Variants in KCNAB1 observed in about 807,000 individuals in gnomAD.
KCNAB1 encodes voltage-gated potassium channel subunit beta-1.
Under a neutral mutation model 64.6 loss-of-function variants are expected in KCNAB1, and 35 were observed. The ratio of observed to expected loss-of-function variants is 0.54; its 90% CI spans 0.41 to 0.72. KCNAB1 has a LOEUF of 0.72. Ranked by LOEUF, KCNAB1 falls within the 30% of genes least tolerant of loss-of-function variation. The pLI is 0.00. For missense variants in KCNAB1, 401 were observed against 512.9 expected (o/e 0.78, Z 2.11); for synonymous variants, 177 against 183.8 (o/e 0.96, Z 0.30).
Position 156,350,697 on chromosome 3 carries a change from A to G in KCNAB1, c.276-70919A>G, listed in dbSNP as rs186504507. Among the ~76,000 whole-genome samples, 6 of 152,402 alleles carry G rather than the reference A, an allele frequency of 3.9e-5. No homozygotes were observed. The East Asian group carries it at 1.2e-3, about 29-fold the overall frequency. ...TCCTGAAGATGAGCAAGAAATAAAA[A>G]TAAAGCATTTCAGAAGTTAAGACAT... is the stretch of plus-strand genomic sequence containing the variant. On this transcript the variant is annotated intron_variant, in intron 1 of 13. Coordinates refer to ENST00000490337, the MANE Select transcript of KCNAB1 (RefSeq NM_172160.3).
chr3:156,364,878 C>G (rs1474032302), intron 1 of KCNAB1, among the ~76,000 whole-genome samples: 1 of 152,116 alleles, frequency 6.6e-6, no homozygotes, highest in African/African-American at 2.4e-5. Flanking sequence ...AAATCAATCT[C>G]ATTAAAAGTA....
At chr3:156,445,348 A>C (rs945852211) in intron 2 of KCNAB1, among the ~76,000 whole-genome samples, 1 of 152,146 alleles carries the variant, frequency 6.6e-6, no homozygotes, top group African/African-American at 2.4e-5. Context: ...TGCTACCGGT[A>C]TGAGAAGAAT....
chr3:156,295,902 T>C (rs1720742328), intron 1 of KCNAB1, among the ~76,000 whole-genome samples: 1 of 152,224 alleles, frequency 6.6e-6, no homozygotes, highest in African/African-American at 2.4e-5. Context: ...AAATATACAA[T>C]ACGTTATTGT....
At chr3:156,499,611 G>C (rs975015456) in intron 8 of KCNAB1, among the ~76,000 whole-genome samples, 2 of 152,120 alleles carry the variant, frequency 1.3e-5, no homozygotes, top group Admixed American at 6.5e-5. Context: ...AAGATATTTT[G>C]CTTCATTCTG....
intron 2 of KCNAB1, among the ~76,000 whole-genome samples, chr3:156,423,247 C>T (rs1715584161): frequency 6.6e-6 from 1 of 152,122 alleles, no homozygotes; most frequent in African/African-American, 2.4e-5. Context: ...CATATTTATA[C>T]ACTTATGGGG....
intron 1 of KCNAB1, among the ~76,000 whole-genome samples, chr3:156,377,938 C>T (rs931890557): frequency 8.6e-5 from 13 of 152,006 alleles, no homozygotes; most frequent in African/African-American, 3.1e-4. Context: ...GTGTCACATG[C>T]AGAGAGACAC....
upstream of KCNAB1, among the ~76,000 whole-genome samples, chr3:156,119,236 G>T (rs1484416094): frequency 6.6e-6 from 1 of 152,180 alleles, no homozygotes; most frequent in Non-Finnish European, 1.5e-5. Flanking sequence ...AGGGGGCAAG[G>T]CGTACATTAA....
intron 7 of KCNAB1, among the ~76,000 whole-genome samples, chr3:156,473,901 T>C (rs541005329): frequency 1.3e-5 from 2 of 152,258 alleles, no homozygotes; most frequent in East Asian, 3.9e-4. Context: ...ATCCTTTTGG[T>C]TGCATAATAT....
chr3:156,177,562 A>G (rs1052060536), intron 1 of KCNAB1, among the ~76,000 whole-genome samples: 2 of 151,996 alleles, frequency 1.3e-5, no homozygotes, highest in Non-Finnish European at 2.9e-5. Context: ...TATTTTTAGT[A>G]GAGACGGGGT....
chr3:156,202,831 A>G (rs1267583215), intron 1 of KCNAB1, among the ~76,000 whole-genome samples: 10 of 152,190 alleles, frequency 6.6e-5, no homozygotes, highest in Non-Finnish European at 1.5e-4. Context: ...TATTTAGATT[A>G]CTACTAATAA....
At chr3:156,401,065 G>A (rs2108190873) in intron 1 of KCNAB1, among the ~76,000 whole-genome samples, 1 of 152,252 alleles carries the variant, frequency 6.6e-6, no homozygotes, top group South Asian at 2.1e-4. Context: ...CCTTCTTGGG[G>A]GGTTTATATA....
At chr3:156,424,777 C>T (rs1715703540) in intron 2 of KCNAB1, among the ~76,000 whole-genome samples, 1 of 152,170 alleles carries the variant, frequency 6.6e-6, no homozygotes, top group African/African-American at 2.4e-5. Flanking sequence ...TTCTTTAAAA[C>T]TGCAGACTGT....
intron 1 of KCNAB1, among the ~76,000 whole-genome samples, chr3:156,168,234 T>C (rs966503713): frequency 6.6e-6 from 1 of 151,308 alleles, no homozygotes; most frequent in Non-Finnish European, 1.5e-5. Flanking sequence ...AAGTAAGTCC[T>C]GAATGTGTAA....
intron 1 of KCNAB1, among the ~76,000 whole-genome samples, chr3:156,273,919 G>C (rs113661152): frequency 6.6e-6 from 1 of 152,130 alleles, no homozygotes; most frequent in African/African-American, 2.4e-5. Flanking sequence ...CTGACGTGTA[G>C]AATATACAGC....
At chr3:156,327,126 A>C (rs111899146) in intron 1 of KCNAB1, among the ~76,000 whole-genome samples, 3,931 of 152,320 alleles carry the variant, frequency 0.026, 182 homozygotes, top group African/African-American at 0.091. Context: ...ATAATAAAAT[A>C]GCATGTCTCT....
At chr3:156,524,075 C>A in intron 12 of KCNAB1, 128 bp downstream of exon 12, 1 of 917,208 alleles carries the variant, frequency 1.1e-6, no homozygotes, top group Non-Finnish European at 1.6e-6. Flanking sequence ...GAAGCATAAA[C>A]TCCTGCTAAA....
chr3:156,380,499 A>G (rs1413481327), intron 1 of KCNAB1, among the ~76,000 whole-genome samples: 1 of 152,246 alleles, frequency 6.6e-6, no homozygotes, highest in African/African-American at 2.4e-5. Context: ...ACAAAAAACT[A>G]GCATTAGATT....
At chr3:156,341,852 A>G (rs1250529117) in intron 1 of KCNAB1, among the ~76,000 whole-genome samples, 1 of 152,154 alleles carries the variant, frequency 6.6e-6, no homozygotes, top group East Asian at 1.9e-4. Flanking sequence ...TTTCTATTCT[A>G]TTCCATTTCA....
intron 1 of KCNAB1, among the ~76,000 whole-genome samples, chr3:156,330,167 G>A (rs1294122600): frequency 3.3e-5 from 5 of 152,046 alleles, no homozygotes. Flanking sequence ...ACAATGAAAA[G>A]TGAGGAAATT....
Sources: gnomAD v4.1 joint callset for allele counts (sites outside exome capture counted in the v4.1 genomes callset) on GRCh38, gnomAD v4.1.1 for gene constraint, MANE v1.5 for transcripts, NCBI Gene and HGNC (gene_info 2026-07-23, HGNC 2026-07-21) for gene names.